DPP8: variants seen among roughly 807,000 people sequenced by gnomAD.
DPP8 encodes the protein DPP VIII.
A neutral mutation model predicts 107.5 loss-of-function variants in DPP8; 31 were observed. The observed-to-expected ratio is 0.29, with a 90% CI of 0.22 to 0.39. DPP8 has a LOEUF of 0.39. Among genes scored for constraint, DPP8 ranks in the 10% least tolerant of loss-of-function variants. The probability of loss-of-function intolerance (pLI) is 1.00; values close to 1 mark genes in which losing one functional copy is unlikely to be tolerated. For synonymous variants in DPP8, 381 were observed against 356.6 expected (o/e 1.07, Z -0.77); for missense variants, 842 against 1,076.1 (o/e 0.78, Z 3.04).
At chr15:65,510,538 C>CT (rs11386408) in intron 2 of DPP8, among the ~76,000 whole-genome samples, 63,261 of 149,810 alleles carry the variant, frequency 0.42, 13,750 homozygotes, top group East Asian at 0.75. Context: ...ATACAAATGG[C>CT]TTTTTTTTTT....
intron 12 of DPP8, among the ~76,000 whole-genome samples, chr15:65,470,934 AG>A (rs1567183361): frequency 8.6e-5 from 13 of 151,624 alleles, no homozygotes; most frequent in African/African-American, 3.2e-4. Context: ...AAAAAAAAAA[AG>A]AGGGAAAATA....
intron 5 of DPP8, among the ~76,000 whole-genome samples, chr15:65,492,856 C>G (rs940185313): frequency 9.9e-5 from 15 of 152,208 alleles, no homozygotes; most frequent in African/African-American, 9.6e-5. Flanking sequence ...CCTTGGCCCC[C>G]CAAAGTGCTA....
At chr15:65,515,691 A>G (rs2071367314) in intron 1 of DPP8, 1 of 1,613,732 alleles carries the variant, frequency 6.2e-7, no homozygotes, top group Non-Finnish European at 8.5e-7. Context: ...TCTCTTCCAC[A>G]TTCAAAGAGA....
chr15:65,466,613 C>CTAAT (rs2065378151), intron 14 of DPP8, 65 bp downstream of exon 14: 1 of 1,403,784 alleles, frequency 7.1e-7, no homozygotes. Flanking sequence ...GAAAATATGA[C>CTAAT]ACACGTTTAG....
At position 65,490,296 on chromosome 15, in the gene DPP8, A is replaced by T. The variant is rs2140899122; in HGVS notation, c.719T>A (p.Leu240Gln). 6.2e-7 allele frequency: 1 copy of T among 1,600,876 alleles called. No homozygotes were observed. The highest frequency in any genetic ancestry group is 2.2e-5 in the East Asian group (1 of 44,810). The change falls in exon 6 of 20, where the codon CTA (leucine) becomes CAA (glutamine). Residue 240 changes from leucine (L) to glutamine (Q), a missense_variant. By Grantham distance (113) the Leu-to-Gln change is moderately radical (BLOSUM62 -2). This residue lies in a region of DPP8 where 663 missense variants were observed against 758.0 expected (regional missense o/e 0.87). Transcript: ENST00000300141. ...ERRLTYVHNE[L>Q]ANMEEDARSA... is the part of the protein sequence containing the mutation. The stretch of plus-strand genomic sequence containing the variant: ...TCTGGCATCTTCTTCCATGTTGGCT[A>T]GCTCTAGACAAATATAAAAGGCAAA...
chr15:65,498,308 A>C (rs940611959), intron 4 of DPP8, among the ~76,000 whole-genome samples: 1 of 151,964 alleles, frequency 6.6e-6, no homozygotes, highest in South Asian at 2.1e-4. Flanking sequence ...TGTAGTCCCA[A>C]CTACTTGGGA....
chr15:65,503,856 T>C (rs1036189669), intron 3 of DPP8, among the ~76,000 whole-genome samples: 5 of 151,028 alleles, frequency 3.3e-5, no homozygotes, highest in African/African-American at 1.2e-4. Context: ...AACTCCTGAC[T>C]TCAAGTGATC....
At position 65,487,754 on chromosome 15, in the gene DPP8, A is replaced by G. The variant is rs754478560; in HGVS notation, c.891T>C (p.Ile297=). The change falls in exon 7 of 20, where the codon ATT becomes ATC. Residue 297 remains isoleucine, a synonymous_variant. Transcript: ENST00000300141. ...CCAACATAGGGGATGTAACATGAAT[A>G]ATTTCCACCTCAGATTCATCATTTT... ...YEENDESEVE[I]IHVTSPMLET... is the part of the protein sequence containing the mutation. 2 of 1,601,384 alleles carry G rather than the reference A, an allele frequency of 1.2e-6. No individual in the cohort carries two copies. Among genetic ancestry groups the G allele is most frequent in the Admixed American group, 3.4e-5 (2 of 59,668 alleles).
Position 65,502,806 on chromosome 15 carries a change from AC to A in DPP8, c.373-2028del, listed in dbSNP as rs1223936531. The A allele has an allele frequency of 2.6e-5, 4 of 152,270 alleles. No individual in the cohort carries two copies. In the South Asian group the frequency reaches 8.3e-4, roughly 32 times the overall value. 9.4% of individuals were successfully genotyped at this position (152,270 alleles called of 1,614,324 possible). On this transcript the variant is annotated intron_variant, in intron 3 of 19. Coordinates refer to ENST00000300141, the MANE Select transcript of DPP8 (RefSeq NM_130434.5). ...TTAGTGTCACTAAAGTTGGTATACA[AC>A]CCCTAACTGCTACATTTGACTGACA...
At chr15:65,510,092 T>C (rs901519890) in intron 2 of DPP8, among the ~76,000 whole-genome samples, 4 of 152,028 alleles carry the variant, frequency 2.6e-5, no homozygotes, top group African/African-American at 7.2e-5. Flanking sequence ...GGCAGGCAGA[T>C]TGCTGGAGCT....
chr15:65,507,574 G>A (rs956905088), intron 2 of DPP8, among the ~76,000 whole-genome samples: 1 of 150,380 alleles, frequency 6.6e-6, no homozygotes, highest in Non-Finnish European at 1.5e-5. Flanking sequence ...TATAATCCCA[G>A]CTACTTGGGA....
chr15:65,511,835 T>G, intron 2 of DPP8: 1 of 246,144 alleles, frequency 4.1e-6, no homozygotes, highest in Non-Finnish European at 8.3e-6. Context: ...TTTAAAAATT[T>G]AACAAACAAG....
intron 3 of DPP8, among the ~76,000 whole-genome samples, chr15:65,503,123 T>G: frequency 6.6e-6 from 1 of 152,192 alleles, no homozygotes; most frequent in African/African-American, 2.4e-5. Flanking sequence ...TATTATTTTT[T>G]TTGAGATGGA....
intron 18 of DPP8, 98 bp from the exon 19 acceptor site, chr15:65,451,208 T>G (rs1378416471): frequency 1.4e-6 from 1 of 715,142 alleles, no homozygotes; most frequent in Middle Eastern, 2.6e-4. Flanking sequence ...TTAACTTCCT[T>G]ATACTGTAAT....
At chr15:65,514,010 C>T (rs2071126691) in intron 1 of DPP8, among the ~76,000 whole-genome samples, 1 of 152,150 alleles carries the variant, frequency 6.6e-6, no homozygotes, top group Admixed American at 6.6e-5. Flanking sequence ...ATAATAAATA[C>T]AAGGCTGTAC....
intron 12 of DPP8, 67 bp downstream of exon 12, chr15:65,474,142 C>T: frequency 8.7e-7 from 1 of 1,155,482 alleles, no homozygotes; most frequent in Non-Finnish European, 1.3e-6. Context: ...AATTACATTA[C>T]TCATTTTTAG....
At chr15:65,481,156 C>T (rs1460575327) in intron 9 of DPP8, among the ~76,000 whole-genome samples, 3 of 152,052 alleles carry the variant, frequency 2.0e-5, no homozygotes, top group Non-Finnish European at 2.9e-5. Context: ...CTGTTGTCTA[C>T]ATTAGACACA....
Position 65,512,329 on chromosome 15 carries a change from T to C in DPP8, c.225A>G (p.Pro75=), listed in dbSNP as rs1464523193. ...AGATTCTGTCTGAATGAGGTCCATC[T>C]GGATCATTCCTCTTCACAAACATGA... ...HDFMFVKRND[P]DGPHSDRIYY... The change falls in exon 2 of 20, where the codon CCA becomes CCG. Residue 75 remains proline (P), a synonymous_variant. Coordinates refer to ENST00000300141, the MANE Select transcript of DPP8 (RefSeq NM_130434.5). The C allele has an allele frequency of 6.2e-7, 1 of 1,613,802 alleles. No individual in the cohort carries two copies. The highest frequency in any genetic ancestry group is 1.1e-5 in the South Asian group (1 of 91,076).
At chr15:65,500,495 G>T in intron 4 of DPP8, 111 bp downstream of exon 4, 9 of 756,796 alleles carry the variant, frequency 1.2e-5, no homozygotes, top group South Asian at 6.1e-5. Context: ...AAATTTCTTT[G>T]TTGGTGGGTA....
Sources: allele counts gnomAD v4.1 joint callset (sites outside exome capture counted in the v4.1 genomes callset), GRCh38; gene constraint gnomAD v4.1.1; regional missense constraint gnomAD v4.1.1; transcripts MANE v1.5; gene names NCBI Gene and HGNC (gene_info 2026-07-23, HGNC 2026-07-21).